Variants in ADCY8 observed in about 807,000 individuals in gnomAD.
ADCY8 encodes adenylate cyclase type 8.
In ADCY8, 51 loss-of-function variants were observed where a neutral mutation model predicts 119.7. The ratio of observed to expected loss-of-function variants is 0.43; its 90% CI spans 0.34 to 0.54. The LOEUF (loss-of-function observed/expected upper bound fraction) is 0.54. Among genes scored for constraint, ADCY8 ranks in the 20% least tolerant of loss-of-function variants. The pLI, the probability that ADCY8 is intolerant of heterozygous loss-of-function variation, is 0.03. For synonymous variants in ADCY8, 665 were observed against 651.0 expected (o/e 1.02, Z -0.33); for missense variants, 1,383 against 1,598.8 (o/e 0.87, Z 2.30).
Position 130,978,212 on chromosome 8 carries a change from T to C in ADCY8, c.1110+12181A>G, listed in dbSNP as rs115151030. 4.2e-3 allele frequency among the ~76,000 whole-genome samples: 644 copies of C among 152,334 alleles called. 5 individuals carry two copies. Among genetic ancestry groups the C allele is most frequent in the African/African-American group, 0.015 (624 of 41,582 alleles). On this transcript the variant is annotated intron_variant, in intron 2 of 17. Coordinates refer to ENST00000286355, the MANE Select transcript of ADCY8 (RefSeq NM_001115.3). Reference sequence around the variant, plus strand: ...TGGAATAATTGTGTGAAAACTAAAATGCTTTGAGCTGTTGGGGAATCAGGG... The same window carrying C: ...TGGAATAATTGTGTGAAAACTAAAACGCTTTGAGCTGTTGGGGAATCAGGG...
intron 1 of ADCY8, among the ~76,000 whole-genome samples, chr8:131,017,139 G>C (rs958843236): frequency 6.6e-6 from 1 of 151,406 alleles, no homozygotes; most frequent in African/African-American, 2.4e-5. Flanking sequence ...GCATGATCTC[G>C]GTTCACTGCA....
intron 2 of ADCY8, among the ~76,000 whole-genome samples, chr8:130,966,776 T>A (rs1821775155): frequency 6.6e-6 from 1 of 152,202 alleles, no homozygotes; most frequent in Non-Finnish European, 1.5e-5. Context: ...GAATTGCAGA[T>A]GATAATAATA....
At chr8:130,941,264 G>A (rs1475621613) in intron 4 of ADCY8, among the ~76,000 whole-genome samples, 4 of 152,154 alleles carry the variant, frequency 2.6e-5, no homozygotes, top group Non-Finnish European at 4.4e-5. Flanking sequence ...TGCCCTCTCC[G>A]TGGAGGCTGC....
In ADCY8 at chr8:131,040,425, T is replaced by C. The variant is rs1261833244; in HGVS notation, c.-92A>G. 2.2e-6 allele frequency: 3 copies of C among 1,374,228 alleles called. No individual in the cohort carries two copies. The highest frequency in any genetic ancestry group is 1.5e-5 in the African/African-American group (1 of 66,412). 85.1% of individuals were successfully genotyped at this position (1,374,228 alleles called of 1,614,324 possible). A position where few individuals can be genotyped will look rare whatever the true frequency, so the allele number is the denominator to read the frequency against. ...ACTCAAAGGCGGCCTGGTAGGAGCT[T>C]GGCAAGGATCCTTTTTATCCTAGGC... On this transcript the variant is annotated 5_prime_UTR_variant, in exon 1 of 18. Coordinates refer to ENST00000286355, the MANE Select transcript of ADCY8 (RefSeq NM_001115.3).
chr8:130,957,788 C>A (rs1448855495), intron 2 of ADCY8, among the ~76,000 whole-genome samples: 2 of 152,030 alleles, frequency 1.3e-5, no homozygotes, highest in African/African-American at 4.8e-5. Flanking sequence ...AGGGTGCAAG[C>A]CCCAAGTCTT....
intron 8 of ADCY8, among the ~76,000 whole-genome samples, chr8:130,883,628 T>G: frequency 6.6e-6 from 1 of 152,192 alleles, no homozygotes; most frequent in East Asian, 1.9e-4. Flanking sequence ...TACAGAGTAT[T>G]GAATCAAACT....
intron 4 of ADCY8, 106 bp from the exon 5 acceptor site, chr8:130,937,306 G>T: frequency 8.4e-7 from 1 of 1,197,408 alleles, no homozygotes; most frequent in Non-Finnish European, 1.1e-6. Flanking sequence ...TGCAACTTGG[G>T]GTAAGGAGAA....
At chr8:130,941,102 C>CA (rs1820941399) in intron 4 of ADCY8, among the ~76,000 whole-genome samples, 1 of 152,224 alleles carries the variant, frequency 6.6e-6, no homozygotes, top group East Asian at 1.9e-4. Context: ...TTAGAAATCC[C>CA]AAAAAACTTT....
rs1445017374 is a variant in ADCY8, at chr8:130,838,062, G to A, written c.2503-1613C>T. On this transcript the variant is annotated intron_variant, in intron 11 of 17. Coordinates refer to ENST00000286355, the MANE Select transcript of ADCY8 (RefSeq NM_001115.3). ...ACATAGACAATTTTTGTATGGGCAG[G>A]GGTGTTGGGTAAGAATTTCCAAAAA... 1.8e-4 allele frequency among the ~76,000 whole-genome samples: 27 copies of A among 152,186 alleles called. 1 individual carries two copies. The highest frequency in any genetic ancestry group is 1.8e-3 in the Admixed American group (27 of 15,268).
At chr8:131,008,675 G>T (rs1823202764) in intron 1 of ADCY8, among the ~76,000 whole-genome samples, 2 of 152,202 alleles carry the variant, frequency 1.3e-5, no homozygotes, top group Admixed American at 1.3e-4. Context: ...ATGTGGACGT[G>T]ACTTTGGAAC....
rs138381984 is a variant in ADCY8 at position 130,941,689 on chromosome 8, C to T, written c.1353+1662G>A. Among the ~76,000 whole-genome samples, 827 of 152,244 alleles carry T rather than the reference C, an allele frequency of 5.4e-3. 6 individuals carry two copies. The highest frequency in any genetic ancestry group is 0.019 in the African/African-American group (775 of 41,546). On this transcript the variant is annotated intron_variant, in intron 4 of 17. Transcript: ENST00000286355. ...GTCAGTCTCCTAGCTAGTAGCTGTT[C>T]AGTAGCTGAAATTTATACTAAGGTT...
intron 8 of ADCY8, among the ~76,000 whole-genome samples, chr8:130,874,136 T>C (rs1280908952): frequency 1.3e-5 from 2 of 151,834 alleles, no homozygotes; most frequent in Admixed American, 1.3e-4. Flanking sequence ...GGTGAAATCC[T>C]GTCTCTGCTA....
At chr8:130,824,590 A>G (rs1816617151) in intron 12 of ADCY8, among the ~76,000 whole-genome samples, 1 of 152,230 alleles carries the variant, frequency 6.6e-6, no homozygotes, top group Admixed American at 6.5e-5. Flanking sequence ...TGTGTATTGA[A>G]TGGATACATG....
At chr8:130,827,452 C>G (rs754155345) in intron 12 of ADCY8, among the ~76,000 whole-genome samples, 1 of 152,192 alleles carries the variant, frequency 6.6e-6, no homozygotes, top group Admixed American at 6.6e-5. Flanking sequence ...TCTATGTAAA[C>G]ATCATACCTG....
At chr8:130,964,406 T>C (rs187422344) in intron 2 of ADCY8, among the ~76,000 whole-genome samples, 19 of 150,570 alleles carry the variant, frequency 1.3e-4, no homozygotes, top group Non-Finnish European at 2.5e-4. Flanking sequence ...CCCAGCTATG[T>C]TAGTTTTATC....
Position 130,943,596 on chromosome 8 carries a change from G to A in ADCY8, c.1242-134C>T, listed in dbSNP as rs1051945158. 3.9e-5 allele frequency: 24 copies of A among 616,754 alleles called. No individual in the cohort carries two copies. The Middle Eastern group carries it at 1.3e-3, about 33-fold the overall frequency. 38.2% of individuals were successfully genotyped at this position (616,754 alleles called of 1,614,324 possible). A position where few individuals can be genotyped will look rare whatever the true frequency, so the allele number is the denominator to read the frequency against. ...CTGAGATTTTAGCTCTTGCTGCCATGAGAGTCAGGAGGAATGTCTCAGTAT... is the reference window on the plus strand; with the variant it reads ...CTGAGATTTTAGCTCTTGCTGCCATAAGAGTCAGGAGGAATGTCTCAGTAT... On this transcript the variant is annotated intron_variant, in intron 3 of 17. Coordinates refer to ENST00000286355, the MANE Select transcript of ADCY8 (RefSeq NM_001115.3).
rs1341590444 is a variant in ADCY8, at chr8:130,850,250, C to T, written c.2211-447G>A. 2.6e-5 allele frequency among the ~76,000 whole-genome samples: 4 copies of T among 152,234 alleles called. No homozygotes were observed. In the East Asian group the frequency reaches 7.7e-4, roughly 29 times the overall value. ...TGGTTTTAAGTTGCTCAGGTTGGTT[C>T]CTGGTTTTGTGGTTTTCATGGACTA... On this transcript the variant is annotated intron_variant, in intron 9 of 17. Coordinates refer to ENST00000286355, the MANE Select transcript of ADCY8 (RefSeq NM_001115.3).
chr8:130,801,037 T>A (rs1490069390), intron 14 of ADCY8, among the ~76,000 whole-genome samples: 2 of 152,136 alleles, frequency 1.3e-5, no homozygotes, highest in Non-Finnish European at 1.5e-5. Flanking sequence ...ACCTTGTGAG[T>A]TAGGGTTTCA....
intron 1 of ADCY8, among the ~76,000 whole-genome samples, chr8:130,991,087 A>C (rs1822563157): frequency 6.6e-6 from 1 of 152,140 alleles, no homozygotes; most frequent in Non-Finnish European, 1.5e-5. Flanking sequence ...CTCCACTTCC[A>C]TTATTCTATT....
Sources: allele counts gnomAD v4.1 joint callset (sites outside exome capture counted in the v4.1 genomes callset), GRCh38; gene constraint gnomAD v4.1.1; transcripts MANE v1.5; gene names NCBI Gene and HGNC (gene_info 2026-07-23, HGNC 2026-07-21).